Variants in MACROH2A2 observed in about 807,000 individuals in gnomAD.
MACROH2A2 encodes the protein core histone macro-H2A.2.
Under a neutral mutation model 37.6 loss-of-function variants are expected in MACROH2A2, and 6 were observed. The observed-to-expected ratio is 0.16, with a 90% CI of 0.09 to 0.32. The LOEUF is 0.32. MACROH2A2 is among the 10% of genes least tolerant of loss of function. MACROH2A2 has a pLI of 1.00. For synonymous variants in MACROH2A2, 192 were observed against 202.7 expected (o/e 0.95, Z 0.45); for missense variants, 290 against 485.9 (o/e 0.60, Z 3.79).
intron 2 of MACROH2A2, among the ~76,000 whole-genome samples, chr10:70,089,573 T>C (rs952649418): frequency 1.3e-5 from 2 of 151,986 alleles, no homozygotes; most frequent in African/African-American, 4.8e-5. Context: ...GGAAATATAG[T>C]TTTCCTGCAG....
chr10:70,082,384 C>T (rs2072183630), intron 2 of MACROH2A2, among the ~76,000 whole-genome samples: 1 of 150,490 alleles, frequency 6.6e-6, no homozygotes, highest in Admixed American at 6.6e-5. Context: ...CGCCATTGCA[C>T]TCCAGCCTGG....
chr10:70,085,945 A>G, intron 2 of MACROH2A2, among the ~76,000 whole-genome samples: 1 of 152,206 alleles, frequency 6.6e-6, no homozygotes, highest in East Asian at 1.9e-4. Context: ...ATTTGCCATA[A>G]TAACATTTGA....
chr10:70,110,548 A>G (rs1375849870), intron 8 of MACROH2A2, among the ~76,000 whole-genome samples: 1 of 152,188 alleles, frequency 6.6e-6, no homozygotes, highest in Admixed American at 6.5e-5. Context: ...CTGAATGGCT[A>G]GCATTTTTAA....
chr10:70,079,202 C>G lies in MACROH2A2; in HGVS notation c.172+3372C>G, dbSNP rs564626602. The stretch of plus-strand genomic sequence containing the variant: ...TTAAGACCTAAACCAGGTTGTCAAC[C>G]CTGCATTTTCTCGTATCGATTGATT... On this transcript the variant is annotated intron_variant, in intron 2 of 8. Coordinates refer to ENST00000373255, the MANE Select transcript of MACROH2A2 (RefSeq NM_018649.3). 1.3e-4 allele frequency among the ~76,000 whole-genome samples: 19 copies of G among 151,980 alleles called. No homozygotes were observed. In the South Asian group the frequency reaches 4.0e-3, roughly 32 times the overall value.
In MACROH2A2 at chr10:70,053,986, G is replaced by A. The variant is rs1018423702; in HGVS notation, c.-60+986G>A. ...CCGGCTCCCAGCCTCCAGCCCCGGC[G>A]CACCTCAGCCCCAGCCCGGCCAGCC... is the stretch of plus-strand genomic sequence containing the variant. On this transcript the variant is annotated intron_variant, in intron 1 of 8. Transcript: ENST00000373255. This position sits in a 1 kb window ranked among gnomAD's most constrained non-coding sequence, Gnocchi z 4.8. 2.6e-5 allele frequency among the ~76,000 whole-genome samples: 4 copies of A among 152,140 alleles called. No homozygotes were observed. Among genetic ancestry groups the A allele is most frequent in the Non-Finnish European group, 5.9e-5 (4 of 68,000 alleles).
At chr10:70,061,848 C>A (rs1428948923) in intron 1 of MACROH2A2, among the ~76,000 whole-genome samples, 1 of 152,098 alleles carries the variant, frequency 6.6e-6, no homozygotes, top group African/African-American at 2.4e-5. Flanking sequence ...TTTGATATAG[C>A]CCTTTACGTT....
chr10:70,096,042 G>A (rs2072274790), intron 6 of MACROH2A2, among the ~76,000 whole-genome samples: 1 of 152,182 alleles, frequency 6.6e-6, no homozygotes, highest in Non-Finnish European at 1.5e-5. Context: ...CCAAGATCCT[G>A]AAGCAGACCC....
At chr10:70,094,411 C>A (rs1347580301) in intron 5 of MACROH2A2, among the ~76,000 whole-genome samples, 2 of 151,016 alleles carry the variant, frequency 1.3e-5, no homozygotes, top group African/African-American at 2.5e-5. Flanking sequence ...GCAAATAATT[C>A]ATTCCTACAA....
intron 7 of MACROH2A2, among the ~76,000 whole-genome samples, chr10:70,108,612 T>C (rs1461406843): frequency 6.6e-6 from 1 of 152,186 alleles, no homozygotes; most frequent in Non-Finnish European, 1.5e-5. Context: ...TAATCACATC[T>C]GCAAAGTCCT....
chr10:70,106,045 T>G (rs1401158902), intron 7 of MACROH2A2, among the ~76,000 whole-genome samples: 1 of 152,116 alleles, frequency 6.6e-6, no homozygotes, highest in African/African-American at 2.4e-5. Context: ...ACTGAGGTGC[T>G]GTTAAAAGAA....
At chr10:70,059,142 T>C (rs1340235688) in intron 1 of MACROH2A2, among the ~76,000 whole-genome samples, 2 of 152,164 alleles carry the variant, frequency 1.3e-5, no homozygotes, top group Non-Finnish European at 2.9e-5. Context: ...TCTCTGTGAA[T>C]GTAAGTGACA....
At chr10:70,095,518 T>G (rs1223308048) in intron 5 of MACROH2A2, 136 bp from the exon 6 acceptor site, 1 of 561,934 alleles carries the variant, frequency 1.8e-6, no homozygotes, top group Non-Finnish European at 3.2e-6. Flanking sequence ...AACTGGAGGT[T>G]GTCACTCTCT....
intron 7 of MACROH2A2, 95 bp downstream of exon 7, chr10:70,100,392 G>A: frequency 1.5e-6 from 1 of 668,568 alleles, no homozygotes; most frequent in Non-Finnish European, 2.7e-6. Context: ...CAGCTTATGA[G>A]TCAAAGTATG....
At chr10:70,103,784 C>CA (rs59744572) in intron 7 of MACROH2A2, among the ~76,000 whole-genome samples, 171 of 145,812 alleles carry the variant, frequency 1.2e-3, no homozygotes, top group African/African-American at 3.9e-3. Context: ...TTCTCATCAG[C>CA]AAAAAAAAAG....
intron 2 of MACROH2A2, among the ~76,000 whole-genome samples, chr10:70,076,697 G>A (rs750326995): frequency 6.6e-6 from 1 of 152,116 alleles, no homozygotes; most frequent in African/African-American, 2.4e-5. Flanking sequence ...CCAAGGTTAA[G>A]TTCCTTGGAA....
chr10:70,062,117 A>T (rs543418236), intron 1 of MACROH2A2, among the ~76,000 whole-genome samples: 2 of 152,352 alleles, frequency 1.3e-5, no homozygotes, highest in African/African-American at 4.8e-5. Flanking sequence ...AAATACAGTC[A>T]AACTCTATTA....
chr10:70,109,088 C>A lies in MACROH2A2; in HGVS notation c.834C>A (p.Ile278=). 1 of 1,613,910 alleles carries A rather than the reference C, an allele frequency of 6.2e-7. No homozygotes were observed. Among genetic ancestry groups the A allele is most frequent in the South Asian group, 1.1e-5 (1 of 91,074 alleles). Residue 278 remains isoleucine (I), a synonymous_variant, in exon 8 of 9, where the codon ATC becomes ATA. Transcript: ENST00000373255. ...CCAAATTTGTCATCCACTGTCACATCCCTCAGTGGGGCTCCGACAAATGTG... is the reference window on the plus strand; with the variant it reads ...CCAAATTTGTCATCCACTGTCACATACCTCAGTGGGGCTCCGACAAATGTG... ...LAAKFVIHCH[I]PQWGSDKCEE...
intron 2 of MACROH2A2, among the ~76,000 whole-genome samples, chr10:70,082,011 A>T (rs1275644763): frequency 1.3e-5 from 2 of 152,228 alleles, no homozygotes; most frequent in Non-Finnish European, 2.9e-5. Flanking sequence ...ATGTATTTTT[A>T]AAAAAGCGTG....
In MACROH2A2 at chr10:70,075,055, G is replaced by A. The variant is rs1311600939; in HGVS notation, c.-59-545G>A. ...TTAGCCTTACTGGGCTAAAGTCAAG[G>A]TATCAGCAGGACTAATTCCTTCTGA... On this transcript the variant is annotated intron_variant, in intron 1 of 8. Coordinates refer to ENST00000373255, the MANE Select transcript of MACROH2A2 (RefSeq NM_018649.3). This position sits in a 1 kb window ranked among gnomAD's most constrained non-coding sequence, Gnocchi z 5.0. 1.7e-4 allele frequency among the ~76,000 whole-genome samples: 26 copies of A among 152,150 alleles called. No individual in the cohort carries two copies. Among genetic ancestry groups the A allele is most frequent in the Non-Finnish European group, 2.4e-4 (16 of 68,028 alleles).
Sources: gnomAD v4.1 joint callset for allele counts (sites outside exome capture counted in the v4.1 genomes callset) on GRCh38, gnomAD v4.1.1 for gene constraint, Gnocchi (gnomAD v3.1) non-coding constraint, MANE v1.5 for transcripts, NCBI Gene and HGNC (gene_info 2026-07-23, HGNC 2026-07-21) for gene names.